The following RASAL2 variants were observed in gnomAD, a reference collection of about 807,000 sequenced individuals.
The protein encoded by RASAL2 is ras GTPase-activating protein nGAP.
RASAL2 carries 58 observed loss-of-function variants against 128.9 expected under a neutral mutation model. The observed-to-expected ratio is 0.45, with a 90% CI of 0.36 to 0.56. The LOEUF is 0.56. RASAL2 is among the 20% of genes least tolerant of loss of function. The pLI is 0.00. For missense variants in RASAL2, 1,360 were observed against 1,601.6 expected, an observed-to-expected ratio of 0.85 and a Z score of 2.57; for synonymous variants, 561 against 580.8, an observed-to-expected ratio of 0.97 and a Z score of 0.49.
At chr1:178,120,643 G>A (rs1236811401) in intron 1 of RASAL2, among the ~76,000 whole-genome samples, 4 of 152,166 alleles carry the variant, frequency 2.6e-5, no homozygotes, top group Admixed American at 2.0e-4. Context: ...ATATGAGTCT[G>A]CAAGCAATTG....
intron 3 of RASAL2, among the ~76,000 whole-genome samples, chr1:178,314,477 T>A (rs1223316019): frequency 6.6e-6 from 1 of 152,180 alleles, no homozygotes; most frequent in African/African-American, 2.4e-5. Context: ...AAATAAAACA[T>A]GATCTACAGG....
rs186443317 is a variant in RASAL2, at chr1:178,246,891, C to T, written c.203-36673C>T. Among the ~76,000 whole-genome samples the T allele has an allele frequency of 4.6e-5, 7 of 152,270 alleles. No individual in the cohort carries two copies. The East Asian group carries it at 1.3e-3, about 29-fold the overall frequency. ...CGTTTATTGATTTGCATATGTTGAA[C>T]CAGCCTCTCATCACAGGGATGAAGC... On this transcript the variant is annotated intron_variant, in intron 1 of 17. Coordinates refer to ENST00000367649, the MANE Select transcript of RASAL2 (RefSeq NM_170692.4).
intron 3 of RASAL2, among the ~76,000 whole-genome samples, chr1:178,385,794 C>A (rs1397283699): frequency 6.6e-6 from 1 of 152,168 alleles, no homozygotes; most frequent in Non-Finnish European, 1.5e-5. Flanking sequence ...CCACTGGCCT[C>A]TTTGTTGCGG....
intron 1 of RASAL2, among the ~76,000 whole-genome samples, chr1:178,160,416 C>T (rs981301979): frequency 3.0e-4 from 46 of 152,282 alleles, no homozygotes; most frequent in African/African-American, 1.1e-3. Flanking sequence ...GGGTGGATCA[C>T]CTGAGGTCAG....
chr1:178,385,959 C>T (rs1474293536), intron 3 of RASAL2, among the ~76,000 whole-genome samples: 1 of 152,160 alleles, frequency 6.6e-6, no homozygotes, highest in Non-Finnish European at 1.5e-5. Flanking sequence ...TATTCATCTC[C>T]CTGACTACTT....
At chr1:178,320,877 A>G (rs1668738920) in intron 3 of RASAL2, among the ~76,000 whole-genome samples, 1 of 152,234 alleles carries the variant, frequency 6.6e-6, no homozygotes, top group South Asian at 2.1e-4. Flanking sequence ...AAACTAAGTT[A>G]AAACCAAAAT....
rs1002949465 is a variant in RASAL2 at position 178,445,769 on chromosome 1, A to G, written c.1627+107A>G. The G allele has an allele frequency of 3.4e-6, 4 of 1,188,624 alleles. No individual in the cohort carries two copies. The South Asian group carries it at 4.8e-5, about 14-fold the overall frequency. 73.6% of individuals were successfully genotyped at this position (1,188,624 alleles called of 1,614,324 possible). Reference sequence around the variant, plus strand: ...CAAATTCTGCATGTTATTTAGTTCTAGCTGACTCAGGTGTTAAGGTTTGAA... The same window carrying G: ...CAAATTCTGCATGTTATTTAGTTCTGGCTGACTCAGGTGTTAAGGTTTGAA... On this transcript the variant is annotated intron_variant, in intron 9 of 17. Transcript: ENST00000367649.
At chr1:178,274,703 A>G (rs987833080) in intron 1 of RASAL2, among the ~76,000 whole-genome samples, 1 of 151,990 alleles carries the variant, frequency 6.6e-6, no homozygotes, top group Non-Finnish European at 1.5e-5. Context: ...TCCTCCTGCC[A>G]CAGCCTCCTG....
At chr1:178,124,096 T>A (rs760480814) in intron 1 of RASAL2, among the ~76,000 whole-genome samples, 3 of 152,132 alleles carry the variant, frequency 2.0e-5, no homozygotes, top group Admixed American at 6.5e-5. Context: ...ACCCCATGGG[T>A]GTTCCTGAGA....
chr1:178,099,629 A>G (rs953380518), intron 1 of RASAL2, among the ~76,000 whole-genome samples: 2 of 152,222 alleles, frequency 1.3e-5, no homozygotes, highest in Admixed American at 6.5e-5. Context: ...TTCCAAAACC[A>G]TTTGGACTAG....
intron 1 of RASAL2, among the ~76,000 whole-genome samples, chr1:178,169,738 A>G (rs764409371): frequency 6.6e-6 from 1 of 151,984 alleles, no homozygotes; most frequent in Non-Finnish European, 1.5e-5. Flanking sequence ...TTGCATTTCT[A>G]TTTAGAGCCT....
At chr1:178,317,543 T>G (rs1196667396) in intron 3 of RASAL2, among the ~76,000 whole-genome samples, 7 of 150,728 alleles carry the variant, frequency 4.6e-5, no homozygotes, top group East Asian at 3.9e-4. Context: ...GTCGAGGAAT[T>G]TATCCATTTC....
chr1:178,343,732 C>T (rs1030405945), intron 3 of RASAL2, among the ~76,000 whole-genome samples: 1 of 151,894 alleles, frequency 6.6e-6, no homozygotes, highest in East Asian at 1.9e-4. Flanking sequence ...TCAAAGGAAA[C>T]ACACTTCTTT....
At chr1:178,196,737 C>T (rs1294775753) in intron 1 of RASAL2, among the ~76,000 whole-genome samples, 1 of 152,110 alleles carries the variant, frequency 6.6e-6, no homozygotes, top group South Asian at 2.1e-4. Context: ...AACCGGTTCT[C>T]CACAGATACC....
At chr1:178,195,404 C>G (rs979023835) in intron 1 of RASAL2, among the ~76,000 whole-genome samples, 3 of 152,098 alleles carry the variant, frequency 2.0e-5, no homozygotes, top group Non-Finnish European at 4.4e-5. Context: ...TTAAAAGTTA[C>G]TAGGCTTGTG....
At chr1:178,144,512 T>A (rs949281337) in intron 1 of RASAL2, among the ~76,000 whole-genome samples, 1 of 152,246 alleles carries the variant, frequency 6.6e-6, no homozygotes, top group Admixed American at 6.5e-5. Context: ...ATACTGTGTA[T>A]CATCACTGTG....
intron 3 of RASAL2, among the ~76,000 whole-genome samples, chr1:178,376,013 C>A (rs1036351431): frequency 5.3e-5 from 8 of 152,116 alleles, no homozygotes; most frequent in African/African-American, 1.9e-4. Context: ...GAGAGGGCAG[C>A]AGCTGAAACT....
intron 1 of RASAL2, among the ~76,000 whole-genome samples, chr1:178,256,114 A>G (rs960768771): frequency 5.3e-5 from 8 of 152,238 alleles, no homozygotes; most frequent in African/African-American, 9.6e-5. Context: ...ATCCTCAATA[A>G]AATACTAGCA....
intron 5 of RASAL2, among the ~76,000 whole-genome samples, chr1:178,432,794 T>G (rs1572063552): frequency 6.6e-6 from 1 of 152,106 alleles, no homozygotes; most frequent in African/African-American, 2.4e-5. Flanking sequence ...TCCCCATATC[T>G]GTTAGTCTAA....
Sources: gnomAD v4.1 joint callset for allele counts (sites outside exome capture counted in the v4.1 genomes callset) on GRCh38, gnomAD v4.1.1 for gene constraint, MANE v1.5 for transcripts, NCBI Gene and HGNC (gene_info 2026-07-23, HGNC 2026-07-21) for gene names.